The following FCHSD2 variants were observed in gnomAD, a reference collection of about 807,000 sequenced individuals.
The protein encoded by FCHSD2 is F-BAR and double SH3 domains protein 2.
Under a neutral mutation model 108.1 loss-of-function variants are expected in FCHSD2, and 38 were observed. The observed-to-expected ratio is 0.35, with a 90% confidence interval of 0.27 to 0.46. The LOEUF is 0.46. Among genes scored for constraint, FCHSD2 ranks in the 20% least tolerant of loss-of-function variants. FCHSD2 has a pLI of 1.00. For missense variants in FCHSD2, 751 were observed against 897.8 expected (o/e 0.84, Z 2.09); for synonymous variants, 279 against 314.7 (o/e 0.89, Z 1.20).
At position 72,986,635 on chromosome 11, in the gene FCHSD2, C is replaced by CT. The variant is rs34568857; in HGVS notation, c.522-1520dup. Among the ~76,000 whole-genome samples the CT allele has an allele frequency of 2.6e-5, 4 of 152,252 alleles. No homozygotes were observed. The South Asian group carries it at 6.2e-4, about 24-fold the overall frequency. On this transcript the variant is annotated intron_variant, in intron 6 of 19. Transcript: ENST00000409418. ...GTGTTTGGGGATATTCCCAGTTCTCCTTTTTTTACAGTCATTACCCAAATA... is the reference window on the plus strand; with the variant it reads ...GTGTTTGGGGATATTCCCAGTTCTCCTTTTTTTTACAGTCATTACCCAAATA...
At chr11:73,001,528 A>G (rs1378285247) in intron 4 of FCHSD2, among the ~76,000 whole-genome samples, 1 of 152,198 alleles carries the variant, frequency 6.6e-6, no homozygotes, top group Non-Finnish European at 1.5e-5. Context: ...ACTGAGGCCC[A>G]GAGAGATTTT....
intron 3 of FCHSD2, among the ~76,000 whole-genome samples, chr11:73,078,587 T>C (rs1859609296): frequency 6.6e-6 from 1 of 151,914 alleles, no homozygotes; most frequent in Non-Finnish European, 1.5e-5. Context: ...TATTCTATGA[T>C]GCCATTTAAG....
At chr11:72,896,204 T>A (rs1488960732) in intron 10 of FCHSD2, among the ~76,000 whole-genome samples, 1 of 152,190 alleles carries the variant, frequency 6.6e-6, no homozygotes, top group Admixed American at 6.5e-5. Context: ...ATCAGAAATT[T>A]AGTGTCAGCT....
At chr11:72,886,614 C>A (rs982074665) in intron 12 of FCHSD2, among the ~76,000 whole-genome samples, 1 of 152,148 alleles carries the variant, frequency 6.6e-6, no homozygotes, top group Non-Finnish European at 1.5e-5. Flanking sequence ...TACCTCCATA[C>A]CCCTTCACCA....
intron 3 of FCHSD2, among the ~76,000 whole-genome samples, chr11:73,030,426 T>C (rs760674951): frequency 7.2e-5 from 11 of 152,156 alleles, no homozygotes; most frequent in African/African-American, 1.2e-4. Context: ...CATACATAAA[T>C]GTATCCAAGT....
intron 5 of FCHSD2, among the ~76,000 whole-genome samples, chr11:72,995,688 A>C (rs1055037935): frequency 1.3e-5 from 2 of 150,800 alleles, no homozygotes; most frequent in Non-Finnish European, 3.0e-5. Flanking sequence ...GGGGTGACAG[A>C]GCAGAGAAAA....
At chr11:73,139,672 C>T (rs900270223) in intron 2 of FCHSD2, among the ~76,000 whole-genome samples, 2 of 152,174 alleles carry the variant, frequency 1.3e-5, no homozygotes, top group Admixed American at 6.5e-5. Context: ...TAACCATTAA[C>T]CACAAGTGTT....
chr11:72,882,838 T>C (rs1057224794), intron 12 of FCHSD2, among the ~76,000 whole-genome samples: 3 of 152,208 alleles, frequency 2.0e-5, no homozygotes, highest in Non-Finnish European at 4.4e-5. Context: ...CAGTCTTTTT[T>C]TGTAGAAGCT....
At chr11:72,907,768 T>C (rs1855664178) in intron 9 of FCHSD2, among the ~76,000 whole-genome samples, 1 of 152,004 alleles carries the variant, frequency 6.6e-6, no homozygotes, top group Non-Finnish European at 1.5e-5. Flanking sequence ...TAATTTTTTG[T>C]ATTTTTAGTA....
At position 73,113,590 on chromosome 11, in the gene FCHSD2, G is replaced by A. The variant is rs1324239351; in HGVS notation, c.119+26441C>T. ...CGCCATGTTGCCAAGACTTGGCCTTGATGCTTGTGGATATTTGTCGGTGTC... is the reference window on the plus strand; with the variant it reads ...CGCCATGTTGCCAAGACTTGGCCTTAATGCTTGTGGATATTTGTCGGTGTC... On this transcript the variant is annotated intron_variant, in intron 2 of 19. Transcript: ENST00000409418. 2.6e-5 allele frequency among the ~76,000 whole-genome samples: 4 copies of A among 152,108 alleles called. No individual in the cohort carries two copies. In the East Asian group the frequency reaches 7.7e-4, roughly 29 times the overall value.
Position 73,022,436 on chromosome 11 carries a change from T to C in FCHSD2, c.166-6551A>G, listed in dbSNP as rs572582477. Reference sequence around the variant, plus strand: ...GCAAAGTTGCACAATACAACGTCAATATTCCAAAGTTAATTGCTCTCCTAC... The same window carrying C: ...GCAAAGTTGCACAATACAACGTCAACATTCCAAAGTTAATTGCTCTCCTAC... On this transcript the variant is annotated intron_variant, in intron 3 of 19. Coordinates refer to ENST00000409418, the MANE Select transcript of FCHSD2 (RefSeq NM_014824.3). 9.2e-5 allele frequency among the ~76,000 whole-genome samples: 14 copies of C among 152,322 alleles called. No homozygotes were observed. In the South Asian group the frequency reaches 2.7e-3, roughly 29 times the overall value.
intron 9 of FCHSD2, among the ~76,000 whole-genome samples, chr11:72,912,667 T>C (rs2135295396): frequency 6.6e-6 from 1 of 152,328 alleles, no homozygotes; most frequent in East Asian, 1.9e-4. Context: ...TCCCCCCTCC[T>C]CTATTTTTTG....
At chr11:72,845,744 A>G (rs1188209491) in intron 14 of FCHSD2, among the ~76,000 whole-genome samples, 7 of 152,236 alleles carry the variant, frequency 4.6e-5, no homozygotes, top group African/African-American at 1.7e-4. Flanking sequence ...TCTTCCGTCC[A>G]TCAGGCTCTG....
At chr11:72,865,440 C>A (rs1019919769) in intron 13 of FCHSD2, among the ~76,000 whole-genome samples, 1 of 152,048 alleles carries the variant, frequency 6.6e-6, no homozygotes, top group African/African-American at 2.4e-5. Flanking sequence ...GGAAGAAAAA[C>A]GTCGGATGGA....
At chr11:72,954,157 G>A (rs1252635552) in intron 8 of FCHSD2, among the ~76,000 whole-genome samples, 1 of 151,126 alleles carries the variant, frequency 6.6e-6, no homozygotes, top group Non-Finnish European at 1.5e-5. Context: ...GATAATAATG[G>A]TGGCTTAGAT....
At chr11:73,065,952 C>T (rs1351516862) in intron 3 of FCHSD2, among the ~76,000 whole-genome samples, 1 of 152,108 alleles carries the variant, frequency 6.6e-6, no homozygotes, top group Non-Finnish European at 1.5e-5. Flanking sequence ...AGATTCAATG[C>T]TATCCCCATC....
At chr11:72,861,490 C>A (rs1861574583) in intron 13 of FCHSD2, among the ~76,000 whole-genome samples, 1 of 151,722 alleles carries the variant, frequency 6.6e-6, no homozygotes, top group Non-Finnish European at 1.5e-5. Flanking sequence ...CTACACAAGG[C>A]TTCCAGAAAC....
chr11:72,839,869 C>T (rs527877908), intron 19 of FCHSD2, among the ~76,000 whole-genome samples: 3 of 152,200 alleles, frequency 2.0e-5, no homozygotes, highest in South Asian at 2.1e-4. Context: ...GGCAAGAGTG[C>T]GTTCAACAAC....
chr11:72,878,554 T>C (rs1855016644), intron 12 of FCHSD2, among the ~76,000 whole-genome samples: 2 of 152,322 alleles, frequency 1.3e-5, no homozygotes, highest in African/African-American at 4.8e-5. Flanking sequence ...TAGCTTGTTT[T>C]ACTAGGAAGA....
Sources: allele counts gnomAD v4.1 joint callset (sites outside exome capture counted in the v4.1 genomes callset), GRCh38; gene constraint gnomAD v4.1.1; transcripts MANE v1.5; gene names NCBI Gene and HGNC (gene_info 2026-07-23, HGNC 2026-07-21).